Variants in C14orf132 observed in about 807,000 individuals in gnomAD.
C14orf132 encodes the protein chromosome 14 open reading frame 132, also known as uncharacterized protein C14orf132.
Under a neutral mutation model 5.8 loss-of-function variants are expected in C14orf132, and 6 were observed. That is an observed-to-expected ratio of 1.03 (90% CI 0.57 to 2.04). The LOEUF is 2.04. Ranked by LOEUF, C14orf132 falls within the 30% of genes most tolerant of loss-of-function variation. C14orf132 has a pLI of 0.00. For synonymous variants in C14orf132, 51 were observed against 49.8 expected (o/e 1.02, Z -0.10); for missense variants, 125 against 115.8 (o/e 1.08, Z -0.37).
At chr14:96,064,363 TACACACACACAC>T (rs148402921) in intron 1 of C14orf132, among the ~76,000 whole-genome samples, 8 of 135,858 alleles carry the variant, frequency 5.9e-5, no homozygotes, top group East Asian at 4.2e-4. Context: ...GGTGCATATA[TACACACACACAC>T]ACACACACAC....
chr14:96,057,437 G>A (rs1420215821), intron 1 of C14orf132, among the ~76,000 whole-genome samples: 1 of 152,208 alleles, frequency 6.6e-6, no homozygotes, highest in Non-Finnish European at 1.5e-5. Context: ...TGCCTAGTCT[G>A]TGGGATTTTG....
chr14:96,061,904 C>G (rs1314167585), intron 1 of C14orf132, among the ~76,000 whole-genome samples: 4 of 152,114 alleles, frequency 2.6e-5, no homozygotes, highest in Non-Finnish European at 5.9e-5. Flanking sequence ...GTAAGACCCT[C>G]TCTCTAAAAA....
intron 1 of C14orf132, among the ~76,000 whole-genome samples, chr14:96,043,609 G>T (rs1886753660): frequency 6.6e-6 from 1 of 152,098 alleles, no homozygotes; most frequent in Non-Finnish European, 1.5e-5. Flanking sequence ...AGATTCTAGG[G>T]GTGGGAGCCA....
chr14:96,039,452 C>T lies in C14orf132; in HGVS notation c.-49C>T, dbSNP rs1413824526. On this transcript the variant is annotated 5_prime_UTR_variant, in exon 1 of 2. Transcript: ENST00000555004. This position sits in a 1 kb window ranked among gnomAD's most constrained non-coding sequence, Gnocchi z 5.3. ...GCCAACTGTGCAGGCGGCTGACCCGCAGCGGCAGCGGCAGCAGCGAGGACT... is the reference window on the plus strand; with the variant it reads ...GCCAACTGTGCAGGCGGCTGACCCGTAGCGGCAGCGGCAGCAGCGAGGACT... The T allele has an allele frequency of 1.4e-6, 2 of 1,476,934 alleles. No individual in the cohort carries two copies. The highest frequency in any genetic ancestry group is 2.9e-5 in the African/African-American group (2 of 69,092). The allele number at this position is 1,476,934 out of a possible 1,614,324, so 91.5% of individuals were successfully genotyped here.
chr14:96,082,437 G>T (rs975873585), intron 1 of C14orf132, among the ~76,000 whole-genome samples: 1 of 152,140 alleles, frequency 6.6e-6, no homozygotes, highest in Non-Finnish European at 1.5e-5. Flanking sequence ...TTGAGTCATG[G>T]AATTCTGCTG....
At chr14:96,065,123 G>A (rs1887492632) in intron 1 of C14orf132, among the ~76,000 whole-genome samples, 1 of 152,166 alleles carries the variant, frequency 6.6e-6, no homozygotes, top group Admixed American at 6.5e-5. Context: ...CCAGCTGGGT[G>A]TACTGAAATA....
At chr14:96,057,457 C>A (rs191150044) in intron 1 of C14orf132, among the ~76,000 whole-genome samples, 20 of 152,318 alleles carry the variant, frequency 1.3e-4, no homozygotes, top group African/African-American at 4.8e-4. Context: ...GTTATAGCAG[C>A]ACAAACAAGC....
intron 1 of C14orf132, among the ~76,000 whole-genome samples, chr14:96,058,739 A>G (rs776055204): frequency 7.9e-5 from 12 of 152,188 alleles, no homozygotes; most frequent in Admixed American, 2.6e-4. Flanking sequence ...GGAAGGATCC[A>G]TAGATTTCCC....
At chr14:96,053,667 T>C (rs1283316144) in intron 1 of C14orf132, among the ~76,000 whole-genome samples, 2 of 152,184 alleles carry the variant, frequency 1.3e-5, no homozygotes. Flanking sequence ...CCCACCCCCA[T>C]GATGGCCTTT....
intron 1 of C14orf132, among the ~76,000 whole-genome samples, chr14:96,084,492 G>A (rs1048135707): frequency 2.0e-5 from 3 of 152,242 alleles, no homozygotes; most frequent in African/African-American, 7.2e-5. Context: ...CATTAGGCTG[G>A]CATGTGTCTG....
chr14:96,068,938 G>A (rs1353951471), intron 1 of C14orf132, among the ~76,000 whole-genome samples: 2 of 151,862 alleles, frequency 1.3e-5, no homozygotes, highest in African/African-American at 4.8e-5. Flanking sequence ...TGAGGGAGAA[G>A]GAAAAAGGAA....
rs1203581422 is a variant in C14orf132, at chr14:96,093,674, C to T, written c.*6939C>T. 3.9e-5 allele frequency: 6 copies of T among 152,158 alleles called. No homozygotes were observed. The highest frequency in any genetic ancestry group is 2.1e-4 in the South Asian group (1 of 4,828). The allele number at this position is 152,158 out of a possible 1,614,324, so 9.4% of individuals were successfully genotyped here. ...AAGGTATTTTAACTATTCTTGGAGT[C>T]CTTTGCTACCCAAGCACCTGGTTTC... On this transcript the variant is annotated 3_prime_UTR_variant, in exon 2 of 2. Coordinates refer to ENST00000555004, the MANE Select transcript of C14orf132 (RefSeq NM_001252507.3).
At chr14:96,064,429 CAT>C (rs1405444298) in intron 1 of C14orf132, among the ~76,000 whole-genome samples, 4 of 146,998 alleles carry the variant, frequency 2.7e-5, no homozygotes, top group Non-Finnish European at 6.0e-5. Context: ...CATATATACA[CAT>C]ATATATGTGT....
At chr14:96,075,739 T>A (rs1887845251) in intron 1 of C14orf132, among the ~76,000 whole-genome samples, 1 of 152,214 alleles carries the variant, frequency 6.6e-6, no homozygotes, top group South Asian at 2.1e-4. Context: ...AGGATTGATT[T>A]TTTTTGGATG....
intron 1 of C14orf132, among the ~76,000 whole-genome samples, chr14:96,066,108 G>C (rs1185708595): frequency 1.3e-5 from 2 of 152,134 alleles, no homozygotes; most frequent in Non-Finnish European, 2.9e-5. Flanking sequence ...GGGAGGTGGG[G>C]CATCTCAAAC....
chr14:96,086,479 C>G, intron 1 of C14orf132, 32 bp from the exon 2 acceptor site: 6 of 1,525,594 alleles, frequency 3.9e-6, no homozygotes, highest in Non-Finnish European at 5.3e-6. Flanking sequence ...GCCCCCATGG[C>G]CCTGGATAAT....
Position 96,069,513 on chromosome 14 carries a change from A to G in C14orf132, c.28-16998A>G, listed in dbSNP as rs553557750. Among the ~76,000 whole-genome samples, 21 of 152,188 alleles carry G rather than the reference A, an allele frequency of 1.4e-4. No individual in the cohort carries two copies. The South Asian group carries it at 4.4e-3, about 32-fold the overall frequency. On this transcript the variant is annotated intron_variant, in intron 1 of 1. Transcript: ENST00000555004. ...AAGACACCACCTCCACCTCCCTGTG[A>G]GGCACACCATGATTAGCCAGGGCAG...
rs367951019 is a variant in C14orf132 at position 96,042,239 on chromosome 14, T to A, written c.27+2712T>A. Among the ~76,000 whole-genome samples, 19 of 152,256 alleles carry A rather than the reference T, an allele frequency of 1.2e-4. No homozygotes were observed. The East Asian group carries it at 2.7e-3, about 22-fold the overall frequency. On this transcript the variant is annotated intron_variant, in intron 1 of 1. Transcript: ENST00000555004. ...ATATTCACAGAGTTCTTCAGAAAGC[T>A]AGAGGATGGGGTGCAGGAGGGCTGG...
chr14:96,045,061 T>G (rs149426224), intron 1 of C14orf132, among the ~76,000 whole-genome samples: 3 of 152,306 alleles, frequency 2.0e-5, no homozygotes, highest in Admixed American at 6.5e-5. Flanking sequence ...ATCGCTTATT[T>G]AAACCTCAGT....
Sources: allele counts gnomAD v4.1 joint callset (sites outside exome capture counted in the v4.1 genomes callset), GRCh38; gene constraint gnomAD v4.1.1; non-coding constraint Gnocchi (gnomAD v3.1); transcripts MANE v1.5; gene names NCBI Gene and HGNC (gene_info 2026-07-23, HGNC 2026-07-21).